Variants in SMPD3 observed in about 807,000 individuals in gnomAD.
SMPD3 encodes the protein nSMase-2.
In SMPD3, 21 loss-of-function variants were observed where a neutral mutation model predicts 55.7. The observed-to-expected ratio is 0.38, with a 90% CI of 0.27 to 0.54. SMPD3 has a LOEUF of 0.54. Ranked by LOEUF, SMPD3 falls within the 20% of genes least tolerant of loss-of-function variation. The pLI, the probability that SMPD3 is intolerant of heterozygous loss-of-function variation, is 0.80. For missense variants in SMPD3, 842 were observed against 899.6 expected, an observed-to-expected ratio of 0.94 and a Z score of 0.82; for synonymous variants, 457 against 404.3, an observed-to-expected ratio of 1.13 and a Z score of -1.56.
intron 1 of SMPD3, among the ~76,000 whole-genome samples, chr16:68,403,885 C>CCA: frequency 6.6e-6 from 1 of 152,110 alleles, no homozygotes; most frequent in East Asian, 1.9e-4. Flanking sequence ...AGAGGGGTGA[C>CCA]CACACACACA....
intron 1 of SMPD3, among the ~76,000 whole-genome samples, chr16:68,425,825 G>T (rs2090432146): frequency 6.6e-6 from 1 of 152,154 alleles, no homozygotes. Context: ...AGAGGGAGAG[G>T]TGTGCCACCC....
In SMPD3 at chr16:68,404,650, C is replaced by A. The variant is rs999817850; in HGVS notation, c.-268-17991G>T. Reference sequence around the variant, plus strand: ...TCCCCAGGTAGGAAATAGGGGTCACCTGTGCCCCCAGCCCACCTGCCATTG... The same window carrying A: ...TCCCCAGGTAGGAAATAGGGGTCACATGTGCCCCCAGCCCACCTGCCATTG... On this transcript the variant is annotated intron_variant, in intron 1 of 8. Coordinates refer to ENST00000219334, the MANE Select transcript of SMPD3 (RefSeq NM_018667.4). The surrounding 1 kb of genome is among the most constrained non-coding windows in gnomAD (Gnocchi z 4.0). 6.6e-6 allele frequency among the ~76,000 whole-genome samples: 1 copy of A among 152,196 alleles called. No homozygotes were observed. Among genetic ancestry groups the A allele is most frequent in the South Asian group, 2.1e-4 (1 of 4,828 alleles).
chr16:68,410,708 C>T (rs752778279), intron 1 of SMPD3, among the ~76,000 whole-genome samples: 15 of 152,150 alleles, frequency 9.9e-5, no homozygotes, highest in Non-Finnish European at 2.1e-4. Flanking sequence ...TCCAGCATCC[C>T]GAGTTTTTTG....
rs1312274298 is a variant in SMPD3, at chr16:68,364,831, G to A, written c.1475C>T (p.Ser492Leu). ...WLADFRKSTS[S>L]SSAANPEELV... ...CTCCTCGGGGTTGGCTGCGCTGGACGAGGAGGTAGATTTTCGGAAATCAGC... is the reference window on the plus strand; with the variant it reads ...CTCCTCGGGGTTGGCTGCGCTGGACAAGGAGGTAGATTTTCGGAAATCAGC... Residue 492 changes from serine (S) to leucine (L), a missense_variant, in exon 5 of 9, where the codon TCG (serine) becomes TTG (leucine). This residue lies in a region of SMPD3 where 649 missense variants were observed against 643.6 expected (regional missense o/e 1.01). Coordinates refer to ENST00000219334, the MANE Select transcript of SMPD3 (RefSeq NM_018667.4). 1.4e-5 allele frequency: 22 copies of A among 1,613,738 alleles called. No homozygotes were observed. The highest frequency in any genetic ancestry group is 3.3e-4 in the Middle Eastern group (2 of 6,084).
At position 68,361,139 on chromosome 16, in the gene SMPD3, A is replaced by AG. The variant is rs1412647304; in HGVS notation, c.*66dup. 1 of 1,446,392 alleles carries AG rather than the reference A, an allele frequency of 6.9e-7. No homozygotes were observed. The highest frequency in any genetic ancestry group is 1.4e-5 in the African/African-American group (1 of 71,028). 89.6% of individuals were successfully genotyped at this position (1,446,392 alleles called of 1,614,324 possible). A position where few individuals can be genotyped will look rare whatever the true frequency, so the allele number is the denominator to read the frequency against. On this transcript the variant is annotated 3_prime_UTR_variant, in exon 9 of 9. Transcript: ENST00000219334. Reference sequence around the variant, plus strand: ...CCCCCAAGCACCGGGCACTCGATGGAGGGGACATGGCCCAGGGATGGGCTG... The same window carrying AG: ...CCCCCAAGCACCGGGCACTCGATGGAGGGGGACATGGCCCAGGGATGGGCTG...
In SMPD3 at chr16:68,371,681, G is replaced by C; in HGVS notation, c.501C>G (p.Ile167Met). The C allele has an allele frequency of 6.4e-7, 1 of 1,569,248 alleles. No homozygotes were observed. Among genetic ancestry groups the C allele is most frequent in the South Asian group, 1.2e-5 (1 of 84,102 alleles). ...RIRNGAARPQIKIYIDSPTNT... is the reference protein window; with the variant it reads ...RIRNGAARPQMKIYIDSPTNT... ...TGGTGGGGGAGTCGATGTAAATTTT[G>C]ATCTGGGGCCGGGCGGCCCCATTGC... is the stretch of plus-strand genomic sequence containing the variant. The change falls in exon 3 of 9, where the codon ATC (isoleucine) becomes ATG (methionine). Residue 167 changes from isoleucine (I) to methionine (M), a missense_variant. Transcript: ENST00000219334.
intron 2 of SMPD3, among the ~76,000 whole-genome samples, chr16:68,379,343 G>A (rs1312682113): frequency 6.6e-6 from 1 of 152,262 alleles, no homozygotes; most frequent in South Asian, 2.1e-4. Flanking sequence ...TCAACTGACT[G>A]TGCCTTAGTT....
At chr16:68,398,738 C>T (rs1412052825) in intron 1 of SMPD3, among the ~76,000 whole-genome samples, 1 of 152,172 alleles carries the variant, frequency 6.6e-6, no homozygotes, top group Admixed American at 6.5e-5. Flanking sequence ...ATAGAATCTC[C>T]ATGTTCCCAA....
chr16:68,426,496 C>G (rs928138194), intron 1 of SMPD3, among the ~76,000 whole-genome samples: 2 of 152,178 alleles, frequency 1.3e-5, no homozygotes, highest in Non-Finnish European at 2.9e-5. Flanking sequence ...CTTGTCCCTA[C>G]TGCTTGGCCT....
chr16:68,365,279 C>T (rs1418136635), intron 3 of SMPD3, among the ~76,000 whole-genome samples, 187 bp from the exon 4 acceptor site: 4 of 152,122 alleles, frequency 2.6e-5, no homozygotes, highest in African/African-American at 9.7e-5. Flanking sequence ...GGGCCAGAGG[C>T]GGGTGCTGAA....
chr16:68,359,250 C>G lies in SMPD3; in HGVS notation c.*1956G>C, dbSNP rs1272366818. 6.6e-6 allele frequency: 1 copy of G among 152,492 alleles called. No individual in the cohort carries two copies. The highest frequency in any genetic ancestry group is 1.5e-5 in the Non-Finnish European group (1 of 68,248). The allele number at this position is 152,492 out of a possible 1,614,324, so 9.4% of individuals were successfully genotyped here. On this transcript the variant is annotated 3_prime_UTR_variant, in exon 9 of 9. Transcript: ENST00000219334. ...CCCAGTCGCTTGTGTGAGCAGAGTA[C>G]CAGCTGCTTCTGGAAGTTGGGGGCC... is the stretch of plus-strand genomic sequence containing the variant.
chr16:68,438,971 C>T (rs762749993), intron 1 of SMPD3, among the ~76,000 whole-genome samples: 70 of 152,048 alleles, frequency 4.6e-4, no homozygotes, highest in East Asian at 1.3e-3. Context: ...TTTCCTCAGC[C>T]GTAAAGTAAG....
chr16:68,362,141 T>C lies in SMPD3; in HGVS notation c.1710-382A>G, dbSNP rs190444013. Among the ~76,000 whole-genome samples, 378 of 152,302 alleles carry C rather than the reference T, an allele frequency of 2.5e-3. 3 individuals carry two copies. The highest frequency in any genetic ancestry group is 8.6e-3 in the African/African-American group (356 of 41,566). Reference sequence around the variant, plus strand: ...TTGCCATGAGTCTCGGGGACCCTTGTGACTGTTCCCAGGTTGACAGGAGCT... The same window carrying C: ...TTGCCATGAGTCTCGGGGACCCTTGCGACTGTTCCCAGGTTGACAGGAGCT... On this transcript the variant is annotated intron_variant, in intron 7 of 8. Transcript: ENST00000219334.
At chr16:68,398,164 A>G (rs1041130436) in intron 1 of SMPD3, among the ~76,000 whole-genome samples, 1 of 152,124 alleles carries the variant, frequency 6.6e-6, no homozygotes, top group African/African-American at 2.4e-5. Flanking sequence ...AGGCAGAGGG[A>G]AAAAGGGGGT....
At position 68,374,349 on chromosome 16, in the gene SMPD3, T is replaced by C. The variant is rs560985182; in HGVS notation, c.-206-1962A>G. Among the ~76,000 whole-genome samples the C allele has an allele frequency of 2.6e-5, 4 of 152,378 alleles. No homozygotes were observed. The South Asian group carries it at 8.3e-4, about 32-fold the overall frequency. On this transcript the variant is annotated intron_variant, in intron 2 of 8. Coordinates refer to ENST00000219334, the MANE Select transcript of SMPD3 (RefSeq NM_018667.4). ...CTTGAGCTGGGGCTGTATCTGGTTC[T>C]GATAAGCAGCTTCACAAGGCTGTCA...
chr16:68,417,127 G>C (rs993599544), intron 1 of SMPD3, among the ~76,000 whole-genome samples: 2 of 152,170 alleles, frequency 1.3e-5, no homozygotes, highest in Non-Finnish European at 2.9e-5. Flanking sequence ...AGCCCTTTCT[G>C]AATGATTGGC....
intron 1 of SMPD3, among the ~76,000 whole-genome samples, chr16:68,409,227 ACCTTG>A (rs2090277550): frequency 1.3e-5 from 2 of 152,116 alleles, no homozygotes; most frequent in Non-Finnish European, 2.9e-5. Flanking sequence ...CTTGCTCGAA[ACCTTG>A]CCCGGAGGGC....
intron 1 of SMPD3, among the ~76,000 whole-genome samples, chr16:68,434,353 A>T (rs2090503833): frequency 6.6e-6 from 1 of 152,222 alleles, no homozygotes; most frequent in African/African-American, 2.4e-5. Flanking sequence ...GAGTGTACAA[A>T]TGTTCAGAAC....
In SMPD3 at chr16:68,366,991, G is replaced by A. The variant is rs981411609; in HGVS notation, c.1324-1899C>T. Among the ~76,000 whole-genome samples the A allele has an allele frequency of 5.3e-5, 7 of 132,374 alleles. No individual in the cohort carries two copies. In the South Asian group the frequency reaches 1.8e-3, roughly 33 times the overall value. 86.8% of individuals were successfully genotyped at this position (132,374 alleles called of 152,430 possible). ...CCACTGCACTCCAGCCTAGGCAACA[G>A]AGTGAGACTCTGTCTCAAAAAAAAA... On this transcript the variant is annotated intron_variant, in intron 3 of 8. Coordinates refer to ENST00000219334, the MANE Select transcript of SMPD3 (RefSeq NM_018667.4).
Sources: gnomAD v4.1 joint callset for allele counts (sites outside exome capture counted in the v4.1 genomes callset) on GRCh38, gnomAD v4.1.1 for gene constraint, gnomAD v4.1.1 regional missense constraint, Gnocchi (gnomAD v3.1) non-coding constraint, MANE v1.5 for transcripts, NCBI Gene and HGNC (gene_info 2026-07-23, HGNC 2026-07-21) for gene names.